RPS3A: variants seen among roughly 807,000 people sequenced by gnomAD.
The protein encoded by RPS3A is small ribosomal subunit protein eS1.
Under a neutral mutation model 26.4 loss-of-function variants are expected in RPS3A, and 1 was observed. The ratio of observed to expected loss-of-function variants is 0.04; its 90% confidence interval spans 0.01 to 0.18. The LOEUF (loss-of-function observed/expected upper bound fraction) is 0.18, where lower values mean the gene tolerates loss of function less well. RPS3A is among the 10% of genes least tolerant of loss of function. RPS3A has a pLI of 1.00. For missense variants in RPS3A, 139 were observed against 326.8 expected, an observed-to-expected ratio of 0.43 and a Z score of 4.43; for synonymous variants, 97 against 106.1, an observed-to-expected ratio of 0.91 and a Z score of 0.53.
chr4:151,102,543 T>TGAG (rs772626394), intron 3 of RPS3A, among the ~76,000 whole-genome samples: 2 of 150,266 alleles, frequency 1.3e-5, no homozygotes, highest in African/African-American at 5.0e-5. Context: ...GTTTTACACT[T>TGAG]GAGGGGGTAT....
In RPS3A at chr4:151,103,056, C is replaced by T; in HGVS notation, c.540C>T (p.Asp180=). ...EIMTREVQTN[D]LKEVVNKLIP... is the part of the protein sequence containing the mutation. ...TGACCCGAGAGGTGCAGACAAATGA[C>T]TTGAAAGAAGTGGTCAATAAATTGT... The change falls in exon 4 of 6, where the codon GAC becomes GAT. Residue 180 remains aspartate, a synonymous_variant. Coordinates refer to ENST00000274065, the MANE Select transcript of RPS3A (RefSeq NM_001006.5). 6.3e-7 allele frequency: 1 copy of T among 1,599,232 alleles called. No homozygotes were observed. The highest frequency in any genetic ancestry group is 8.5e-7 in the Non-Finnish European group (1 of 1,179,494).
chr4:151,103,162 G>T, intron 4 of RPS3A, 83 bp downstream of exon 4: 1 of 1,505,002 alleles, frequency 6.6e-7, no homozygotes. Context: ...ATGAGACAAG[G>T]TAAAGGTCTG....
chr4:151,100,021 G>T, intron 1 of RPS3A: 1 of 610,884 alleles, frequency 1.6e-6, no homozygotes, highest in Non-Finnish European at 3.1e-6. Context: ...TGATGGCACT[G>T]CGACAGCAGG....
At position 151,100,531 on chromosome 4, in the gene RPS3A, G is replaced by C. The variant is rs939317077; in HGVS notation, c.109G>C (p.Ala37Pro). The C allele has an allele frequency of 6.2e-7, 1 of 1,609,580 alleles. No individual in the cohort carries two copies. The highest frequency in any genetic ancestry group is 1.3e-5 in the African/African-American group (1 of 74,942). ...KKDWYDVKAP[A>P]MFNIRNIGKT... Reference sequence around the variant, plus strand: ...AGATTGGTATGATGTGAAAGCACCTGCTATGTTCAATATAAGAAATATTGG... The same window carrying C: ...AGATTGGTATGATGTGAAAGCACCTCCTATGTTCAATATAAGAAATATTGG... The change falls in exon 2 of 6, where the codon GCT (alanine) becomes CCT (proline). Residue 37 changes from alanine to proline, a missense_variant. Physicochemically the swap from Ala to Pro is conservative, Grantham distance 27. Around this residue, in one of 3 missense-constraint regions of RPS3A, gnomAD observed 35 missense variants for 60.1 expected, o/e 0.58. Transcript: ENST00000274065.
chr4:151,100,277 C>T lies in RPS3A; in HGVS notation c.63-208C>T, dbSNP rs1239628514. 5 of 553,886 alleles carry T rather than the reference C, an allele frequency of 9.0e-6. No homozygotes were observed. In the Admixed American group the frequency reaches 1.6e-4, roughly 17 times the overall value. 34.3% of individuals were successfully genotyped at this position (553,886 alleles called of 1,614,324 possible). A position where few individuals can be genotyped will look rare whatever the true frequency, so the allele number is the denominator to read the frequency against. ...TGGACCGATGAGGGTGGGAAGTGGACATAACCTTTCAAAGTCTGATGCATG... is the reference window on the plus strand; with the variant it reads ...TGGACCGATGAGGGTGGGAAGTGGATATAACCTTTCAAAGTCTGATGCATG... On this transcript the variant is annotated intron_variant, in intron 1 of 5. Transcript: ENST00000274065.
Position 151,099,824 on chromosome 4 carries a change from C to T in RPS3A, c.62+110C>T, listed in dbSNP as rs183774714. ...TGGCGAGGATTCCAGTCGGATTGTG[C>T]GGGCCGTGGCGGGTTGGTGCACCCA... On this transcript the variant is annotated intron_variant, in intron 1 of 5. Transcript: ENST00000274065. The T allele has an allele frequency of 1.3e-3, 1,565 of 1,191,538 alleles. 12 individuals carry two copies. In the African/African-American group the frequency reaches 0.02, roughly 15 times the overall value. The allele number at this position is 1,191,538 out of a possible 1,614,324, so 73.8% of individuals were successfully genotyped here.
chr4:151,103,953 A>G, intron 4 of RPS3A: 2 of 1,526,254 alleles, frequency 1.3e-6, no homozygotes, highest in Non-Finnish European at 1.8e-6. Flanking sequence ...TTGGACTCAG[A>G]AGACTCTACT....
chr4:151,100,672 G>T (rs555879304), intron 2 of RPS3A, 84 bp downstream of exon 2: 1 of 830,744 alleles, frequency 1.2e-6, no homozygotes, highest in Non-Finnish European at 2.0e-6. Context: ...TGTTGGTCCT[G>T]TGGTGGGAGA....
intron 1 of RPS3A, 52 bp downstream of exon 1, chr4:151,099,766 G>A: frequency 6.4e-7 from 1 of 1,558,826 alleles, no homozygotes. Flanking sequence ...GCTGGAATCG[G>A]CGGGCTGGTC....
At chr4:151,104,147 A>G (rs1280241121) in intron 4 of RPS3A, 30 bp from the exon 5 acceptor site, 2 of 1,587,800 alleles carry the variant, frequency 1.3e-6, no homozygotes, top group Admixed American at 1.9e-5. Flanking sequence ...TAGGACTTTT[A>G]GAAAAAAATT....
At chr4:151,103,898 C>T in intron 4 of RPS3A, 1 of 1,463,858 alleles carries the variant, frequency 6.8e-7, no homozygotes, top group South Asian at 1.1e-5. Flanking sequence ...TGTTCCCATG[C>T]AATATACAGT....
intron 3 of RPS3A, among the ~76,000 whole-genome samples, chr4:151,101,364 T>G (rs1399228051): frequency 7.2e-5 from 11 of 152,232 alleles, no homozygotes; most frequent in Non-Finnish European, 1.5e-4. Context: ...TACTTACTAT[T>G]TAAATCTAAG....
chr4:151,100,921 G>C (rs561428871), intron 2 of RPS3A, 54 bp from the exon 3 acceptor site: 2 of 1,290,822 alleles, frequency 1.5e-6, no homozygotes, highest in African/African-American at 1.5e-5. Context: ...TTACAGGCTT[G>C]ACTTTGCTTA....
intron 4 of RPS3A, chr4:151,103,591 T>C: frequency 4.8e-6 from 5 of 1,049,666 alleles, no homozygotes; most frequent in Non-Finnish European, 3.5e-6. Flanking sequence ...AGGAAATGTT[T>C]TTCCCCTACT....
At chr4:151,103,690 C>A in intron 4 of RPS3A, 1 of 1,095,490 alleles carries the variant, frequency 9.1e-7, no homozygotes, top group Non-Finnish European at 1.1e-6. Context: ...TTGTTTGAGC[C>A]CAGGAGTTTG....
At chr4:151,102,159 A>G in intron 3 of RPS3A, 1 of 474,164 alleles carries the variant, frequency 2.1e-6, no homozygotes, top group Middle Eastern at 3.5e-4. Flanking sequence ...ACATTTCTAG[A>G]AATATTTTAA....
Position 151,100,467 on chromosome 4 carries a change from C to T in RPS3A, c.63-18C>T. ...GAATTGATCTGCAATGGAACTTAAG[C>T]ATCTTCTTAAAATCCAGGGTTGATC... On this transcript the variant is annotated intron_variant, in intron 1 of 5. Coordinates refer to ENST00000274065, the MANE Select transcript of RPS3A (RefSeq NM_001006.5). 1 of 1,311,706 alleles carries T rather than the reference C, an allele frequency of 7.6e-7. No individual in the cohort carries two copies. The highest frequency in any genetic ancestry group is 1.1e-6 in the Non-Finnish European group (1 of 907,484). 81.3% of individuals were successfully genotyped at this position (1,311,706 alleles called of 1,614,324 possible). A position where few individuals can be genotyped will look rare whatever the true frequency, so the allele number is the denominator to read the frequency against.
At chr4:151,100,122 T>C (rs1747053334) in intron 1 of RPS3A, among the ~76,000 whole-genome samples, 1 of 152,228 alleles carries the variant, frequency 6.6e-6, no homozygotes, top group Non-Finnish European at 1.5e-5. Flanking sequence ...TGCTAAGCTT[T>C]GGGGCCATGC....
intron 4 of RPS3A, chr4:151,103,793 T>C (rs1747236299): frequency 7.4e-7 from 1 of 1,348,238 alleles, no homozygotes; most frequent in African/African-American, 1.5e-5. Flanking sequence ...ATACACTGAA[T>C]AGACAAAACC....
Sources: allele counts gnomAD v4.1 joint callset (sites outside exome capture counted in the v4.1 genomes callset), GRCh38; gene constraint gnomAD v4.1.1; regional missense constraint gnomAD v4.1.1; transcripts MANE v1.5; gene names NCBI Gene and HGNC (gene_info 2026-07-23, HGNC 2026-07-21).